GDA: variants seen among roughly 807,000 people sequenced by gnomAD.
GDA encodes guanine deaminase.
GDA carries 18 observed loss-of-function variants against 59.6 expected under a neutral mutation model. The observed-to-expected ratio is 0.30, with a 90% CI of 0.21 to 0.45. The LOEUF is 0.45. Among genes scored for constraint, GDA ranks in the 20% least tolerant of loss-of-function variants. The probability of loss-of-function intolerance (pLI) is 1.00; values close to 1 mark genes in which losing one functional copy is unlikely to be tolerated. For synonymous variants in GDA, 201 were observed against 201.1 expected, an observed-to-expected ratio of 1.00 and a Z score of 0.00; for missense variants, 427 against 552.3, an observed-to-expected ratio of 0.77 and a Z score of 2.27.
intron 1 of GDA, among the ~76,000 whole-genome samples, chr9:72,179,581 C>T (rs1319095238): frequency 3.9e-5 from 6 of 152,140 alleles, no homozygotes; most frequent in Non-Finnish European, 8.8e-5. Flanking sequence ...CAGTGTTTTC[C>T]TGTCGATTTA....
downstream of GDA, among the ~76,000 whole-genome samples, chr9:72,258,596 G>A (rs1840910438): frequency 6.6e-6 from 1 of 152,242 alleles, no homozygotes. Flanking sequence ...TCTGTGAAAT[G>A]TTAAGACATT....
At position 72,188,517 on chromosome 9, in the gene GDA, G is replaced by A. The variant is rs138936259; in HGVS notation, c.124-6983G>A. On this transcript the variant is annotated intron_variant, in intron 1 of 13. Coordinates refer to ENST00000358399, the MANE Select transcript of GDA (RefSeq NM_004293.5). ...GTTGCATCCATGTGGTGTTAAGTTT[G>A]CAGGCATGCAGAATGCAAGATCTAT... Among the ~76,000 whole-genome samples, 637 of 152,372 alleles carry A rather than the reference G, an allele frequency of 4.2e-3. 5 individuals are homozygous for A. The highest frequency in any genetic ancestry group is 0.027 in the Middle Eastern group (8 of 294).
At position 72,116,157 on chromosome 9, in the gene GDA, C is replaced by T. The variant is rs189867344; in HGVS notation, c.-100+1324C>T. Among the ~76,000 whole-genome samples the T allele has an allele frequency of 9.0e-3, 1,361 of 151,870 alleles. 6 individuals carry two copies. Among genetic ancestry groups the T allele is most frequent in the Admixed American group, 0.016 (248 of 15,254 alleles). ...GCTGAGGCAGGAGAATCACTTGAAC[C>T]TGGGAGGGGGAGGTTGCGGTGAGCC... On this transcript the variant is annotated intron_variant, in intron 1 of 13. Coordinates refer to the GDA transcript ENST00000545168.
intron 6 of GDA, 67 bp from the exon 7 acceptor site, chr9:72,223,053 T>A: frequency 1.2e-6 from 1 of 845,686 alleles, no homozygotes; most frequent in East Asian, 2.5e-5. Flanking sequence ...ATGTCTTTAA[T>A]CCATCTTGAG....
At position 72,168,903 on chromosome 9, in the gene GDA, T is replaced by A. The variant is rs193211761; in HGVS notation, c.123+19221T>A. ...ATTTATAATCCACATGGTCTGACTT[T>A]ACATTTAACAGCTCTCATATGGAAT... On this transcript the variant is annotated intron_variant, in intron 1 of 13. Coordinates refer to ENST00000358399, the MANE Select transcript of GDA (RefSeq NM_004293.5). Among the ~76,000 whole-genome samples, 10 of 152,370 alleles carry A rather than the reference T, an allele frequency of 6.6e-5. No individual in the cohort carries two copies. In the East Asian group the frequency reaches 1.7e-3, roughly 26 times the overall value.
intron 1 of GDA, among the ~76,000 whole-genome samples, chr9:72,153,559 A>G (rs1827497320): frequency 1.3e-5 from 2 of 150,844 alleles, no homozygotes; most frequent in South Asian, 4.2e-4. Context: ...TATTCACAAT[A>G]GCAAAGACTT....
chr9:72,149,908 C>T (rs999245468), intron 1 of GDA, among the ~76,000 whole-genome samples: 2 of 152,236 alleles, frequency 1.3e-5, no homozygotes, highest in Admixed American at 1.3e-4. Context: ...GGCGTGCTAA[C>T]GCCACAACTG....
At chr9:72,212,210 C>A (rs7030138) in intron 4 of GDA, among the ~76,000 whole-genome samples, 5 of 152,092 alleles carry the variant, frequency 3.3e-5, no homozygotes, top group African/African-American at 1.2e-4. Context: ...TGGCCAGGCG[C>A]GGTGGTTAAT....
intron 1 of GDA, among the ~76,000 whole-genome samples, chr9:72,194,989 C>T (rs1832976238): frequency 6.6e-6 from 1 of 152,208 alleles, no homozygotes; most frequent in Admixed American, 6.6e-5. Flanking sequence ...CACCACATCA[C>T]CACGCCCTGG....
chr9:72,192,461 A>C (rs1468680868), intron 1 of GDA, among the ~76,000 whole-genome samples: 1 of 148,124 alleles, frequency 6.8e-6, no homozygotes, highest in Non-Finnish European at 1.5e-5. Context: ...TGAACTCCTG[A>C]CCTCGTGATT....
At chr9:72,138,552 C>T (rs1218270423) in intron 1 of GDA, among the ~76,000 whole-genome samples, 1 of 152,172 alleles carries the variant, frequency 6.6e-6, no homozygotes, top group Non-Finnish European at 1.5e-5. Flanking sequence ...CTACAGCATG[C>T]CAGGTACTGC....
chr9:72,240,863 T>C (rs1839533616), intron 10 of GDA, among the ~76,000 whole-genome samples: 1 of 152,154 alleles, frequency 6.6e-6, no homozygotes, highest in South Asian at 2.1e-4. Flanking sequence ...ATTTCAGACT[T>C]CTGACCTCCA....
At chr9:72,133,599 G>A (rs931521273) in intron 1 of GDA, among the ~76,000 whole-genome samples, 1 of 152,128 alleles carries the variant, frequency 6.6e-6, no homozygotes, top group African/African-American at 2.4e-5. Flanking sequence ...ATCATTTGTT[G>A]CAAAATGCCA....
Position 72,249,181 on chromosome 9 carries a change from A to T in GDA, c.*839A>T. The T allele has an allele frequency of 1.0e-6, 1 of 984,212 alleles. No individual in the cohort carries two copies. Among genetic ancestry groups the T allele is most frequent in the African/African-American group, 1.7e-5 (1 of 57,348 alleles). 61.0% of individuals were successfully genotyped at this position (984,212 alleles called of 1,614,324 possible). ...CTTCCATTTTATTAGAAGAGAAACA[A>T]ATTCCATGCTTTATGGAATTTATGT... On this transcript the variant is annotated 3_prime_UTR_variant, in exon 14 of 14. Transcript: ENST00000358399.
At position 72,223,200 on chromosome 9, in the gene GDA, T is replaced by C. The variant is rs1837118351; in HGVS notation, c.687T>C (p.Ile229=). ...CTTTGATGGGTGAACTGGGCAACAT[T>C]GCTAAAACCCGTGATTTGCACATTC... ...SETLMGELGN[I]AKTRDLHIQS... The change falls in exon 7 of 14, where the codon ATT becomes ATC. Residue 229 remains isoleucine (I), a synonymous_variant. Transcript: ENST00000358399. The C allele has an allele frequency of 3.7e-6, 6 of 1,611,830 alleles. No homozygotes were observed. The highest frequency in any genetic ancestry group is 5.1e-6 in the Non-Finnish European group (6 of 1,178,046).
chr9:72,198,944 G>A (rs1051704583), intron 2 of GDA, among the ~76,000 whole-genome samples: 2 of 150,988 alleles, frequency 1.3e-5, no homozygotes, highest in African/African-American at 4.9e-5. Context: ...ATTCTCTGAG[G>A]AAATTATGAT....
At position 72,251,626 on chromosome 9, in the gene GDA, A is replaced by G. The variant is rs1840693144; in HGVS notation, c.*3284A>G. On this transcript the variant is annotated 3_prime_UTR_variant, in exon 14 of 14. Coordinates refer to ENST00000358399, the MANE Select transcript of GDA (RefSeq NM_004293.5). ...TGGTTTTTAAATTGTATGGATTGTTAAGAATTGTTGAAAAAAAATTTTTTT... is the reference window on the plus strand; with the variant it reads ...TGGTTTTTAAATTGTATGGATTGTTGAGAATTGTTGAAAAAAAATTTTTTT... 1 of 152,132 alleles carries G rather than the reference A, an allele frequency of 6.6e-6. No homozygotes were observed. Among genetic ancestry groups the G allele is most frequent in the Admixed American group, 6.5e-5 (1 of 15,270 alleles). 9.4% of individuals were successfully genotyped at this position (152,132 alleles called of 1,614,324 possible).
chr9:72,150,061 G>A (rs1428131509), intron 1 of GDA, among the ~76,000 whole-genome samples: 2 of 151,910 alleles, frequency 1.3e-5, no homozygotes, highest in South Asian at 2.1e-4. Context: ...CTAGCACTGT[G>A]CCTGGCACAG....
Position 72,239,132 on chromosome 9 carries a change from C to A in GDA, c.989-2020C>A, listed in dbSNP as rs866727039. On this transcript the variant is annotated intron_variant, in intron 10 of 13. Coordinates refer to ENST00000358399, the MANE Select transcript of GDA (RefSeq NM_004293.5). ...CAAAGCTAATCCAGTCGGGAAGAAT[C>A]GGCAAGTTACTGTCACAGTGGAAAT... Among the ~76,000 whole-genome samples, 5 of 152,128 alleles carry A rather than the reference C, an allele frequency of 3.3e-5. No individual in the cohort carries two copies. The East Asian group carries it at 9.6e-4, about 29-fold the overall frequency.
Sources: gnomAD v4.1 joint callset for allele counts (sites outside exome capture counted in the v4.1 genomes callset) on GRCh38, gnomAD v4.1.1 for gene constraint, MANE v1.5 for transcripts, NCBI Gene and HGNC (gene_info 2026-07-23, HGNC 2026-07-21) for gene names.